ASCC1: variants seen among roughly 807,000 people sequenced by gnomAD.
The protein encoded by ASCC1 is activating signal cointegrator 1 complex subunit 1, also known as ASC-1 complex subunit P50.
In ASCC1, 35 loss-of-function variants were observed where a neutral mutation model predicts 46.6. The observed-to-expected ratio is 0.75, with a 90% CI of 0.57 to 0.99. ASCC1 has a LOEUF of 0.99. Ranked by LOEUF, ASCC1 falls within the 50% of genes least tolerant of loss-of-function variation. The pLI is 0.00. For synonymous variants in ASCC1, 143 were observed against 146.6 expected, an observed-to-expected ratio of 0.98 and a Z score of 0.18; for missense variants, 376 against 428.7, an observed-to-expected ratio of 0.88 and a Z score of 1.09.
At chr10:72,156,339 T>C (rs1037087050) in intron 6 of ASCC1, among the ~76,000 whole-genome samples, 6 of 152,262 alleles carry the variant, frequency 3.9e-5, no homozygotes, top group African/African-American at 1.4e-4. Flanking sequence ...CCTGCAGAAC[T>C]GTGAGCCGAT....
At chr10:72,201,361 T>G (rs941599730) in intron 4 of ASCC1, among the ~76,000 whole-genome samples, 1 of 152,162 alleles carries the variant, frequency 6.6e-6, no homozygotes, top group Non-Finnish European at 1.5e-5. Context: ...TACTTATAAT[T>G]TTTTATGCAA....
chr10:72,160,927 C>T (rs1329093784), intron 6 of ASCC1, among the ~76,000 whole-genome samples: 1 of 151,380 alleles, frequency 6.6e-6, no homozygotes, highest in Non-Finnish European at 1.5e-5. Flanking sequence ...ACTAAAAATA[C>T]AAAAAATTAG....
At chr10:72,185,428 G>A (rs1853309318) in intron 5 of ASCC1, among the ~76,000 whole-genome samples, 1 of 152,142 alleles carries the variant, frequency 6.6e-6, no homozygotes, top group African/African-American at 2.4e-5. Context: ...TATCAGGGTT[G>A]AATGGATAAA....
intron 9 of ASCC1, among the ~76,000 whole-genome samples, chr10:72,125,974 C>A (rs190525732): frequency 1.1e-3 from 166 of 152,208 alleles, no homozygotes; most frequent in Non-Finnish European, 2.0e-3. Flanking sequence ...ATATTATATT[C>A]GATACAAAAA....
chr10:72,105,286 C>T (rs1028966151), intron 9 of ASCC1, among the ~76,000 whole-genome samples: 5 of 152,202 alleles, frequency 3.3e-5, no homozygotes, highest in Non-Finnish European at 7.3e-5. Flanking sequence ...TTCTAACATG[C>T]CCTCTGGGGC....
intron 5 of ASCC1, among the ~76,000 whole-genome samples, chr10:72,181,778 C>T (rs1260469451): frequency 1.3e-5 from 2 of 151,956 alleles, no homozygotes; most frequent in Non-Finnish European, 2.9e-5. Flanking sequence ...CTTCACCTCC[C>T]GGGTTCAAGC....
intron 4 of ASCC1, among the ~76,000 whole-genome samples, 157 bp downstream of exon 4, chr10:72,203,270 G>C (rs1856746705): frequency 6.7e-6 from 1 of 149,140 alleles, no homozygotes; most frequent in African/African-American, 2.5e-5. Flanking sequence ...TGGGTAACAA[G>C]GGCAAAACTC....
intron 5 of ASCC1, chr10:72,189,864 G>A (rs1854140269): frequency 7.4e-6 from 4 of 538,656 alleles, no homozygotes; most frequent in Non-Finnish European, 1.3e-5. Context: ...TATTCCAAAT[G>A]CTTTTATTTC....
Position 72,196,923 on chromosome 10 carries a change from G to C in ASCC1, c.377C>G (p.Thr126Ser). ...AGTGAAGGGCTGCTTTCTTCGAAAA[G>C]TGTCCAAAAGAACATCAATCCGTGT... ...ARTRIDVLLD[T>S]FRRKQPFTHF... is the part of the protein sequence containing the mutation. The change falls in exon 5 of 10, where the codon ACT becomes AGT. Residue 126 changes from threonine to serine, a missense_variant. Coordinates refer to ENST00000672957, the MANE Select transcript of ASCC1 (RefSeq NM_001198800.3). The C allele has an allele frequency of 6.2e-7, 1 of 1,613,672 alleles. No individual in the cohort carries two copies. Among genetic ancestry groups the C allele is most frequent in the Non-Finnish European group, 8.5e-7 (1 of 1,180,016 alleles).
chr10:72,123,338 CAAA>C (rs1309214553), intron 9 of ASCC1, among the ~76,000 whole-genome samples: 5 of 58,984 alleles, frequency 8.5e-5, no homozygotes, highest in Non-Finnish European at 7.2e-5. Flanking sequence ...GACTCCGTCT[CAAA>C]AAAAAAAAAA....
intron 5 of ASCC1, chr10:72,190,456 A>C: frequency 6.3e-7 from 1 of 1,598,508 alleles, no homozygotes; most frequent in Non-Finnish European, 8.5e-7. Context: ...GTGGGCTGAC[A>C]TCTGCAGGCC....
At chr10:72,108,321 C>T (rs2131982839) in intron 9 of ASCC1, among the ~76,000 whole-genome samples, 1 of 152,210 alleles carries the variant, frequency 6.6e-6, no homozygotes, top group South Asian at 2.1e-4. Context: ...AAGTGATCCT[C>T]CTACCTCCAC....
intron 4 of ASCC1, 125 bp downstream of exon 4, chr10:72,203,302 G>T: frequency 1.1e-5 from 7 of 655,388 alleles, no homozygotes; most frequent in Non-Finnish European, 1.5e-5. Flanking sequence ...AAAAAAAAAA[G>T]AAAAGAAAAA....
intron 4 of ASCC1, among the ~76,000 whole-genome samples, chr10:72,202,911 A>G (rs75499163): frequency 0.056 from 8,450 of 152,236 alleles, 799 homozygotes; most frequent in African/African-American, 0.19. Flanking sequence ...GTATAAAATT[A>G]AGGCCCAGGT....
chr10:72,148,298 T>C (rs1004523039), intron 7 of ASCC1, among the ~76,000 whole-genome samples: 14 of 152,092 alleles, frequency 9.2e-5, no homozygotes, highest in African/African-American at 2.4e-4. Context: ...TAAAAGAAAA[T>C]TTAAAAAAAT....
chr10:72,197,557 C>T (rs2133284764), intron 4 of ASCC1, among the ~76,000 whole-genome samples: 1 of 150,690 alleles, frequency 6.6e-6, no homozygotes, highest in East Asian at 2.0e-4. Context: ...CAAACCCTTG[C>T]TAGTAGGAAT....
chr10:72,121,396 G>A (rs1333341587), intron 9 of ASCC1, among the ~76,000 whole-genome samples: 2 of 151,594 alleles, frequency 1.3e-5, no homozygotes, highest in African/African-American at 4.8e-5. Context: ...CCTCCCACAT[G>A]GGCCTCCCAA....
At chr10:72,132,848 C>A (rs968224915) in intron 8 of ASCC1, among the ~76,000 whole-genome samples, 1 of 152,054 alleles carries the variant, frequency 6.6e-6, no homozygotes, top group African/African-American at 2.4e-5. Flanking sequence ...ATATGGCAAT[C>A]CTATGTGTGA....
chr10:72,145,439 A>G (rs1163937811), intron 7 of ASCC1, among the ~76,000 whole-genome samples: 4 of 152,120 alleles, frequency 2.6e-5, no homozygotes, highest in Non-Finnish European at 1.5e-5. Flanking sequence ...CTGTTTGCCT[A>G]AAAGCTGGAA....
Sources: gnomAD v4.1 joint callset for allele counts (sites outside exome capture counted in the v4.1 genomes callset) on GRCh38, gnomAD v4.1.1 for gene constraint, MANE v1.5 for transcripts, NCBI Gene and HGNC (gene_info 2026-07-23, HGNC 2026-07-21) for gene names.